The following TRIM44 variants were observed in gnomAD, a reference collection of about 807,000 sequenced individuals.
TRIM44 encodes the protein tripartite motif containing 44.
In TRIM44, 13 loss-of-function variants were observed where a neutral mutation model predicts 37.4. The observed-to-expected ratio is 0.35, with a 90% CI of 0.23 to 0.55. TRIM44 has a LOEUF of 0.55. Ranked by LOEUF, TRIM44 falls within the 20% of genes least tolerant of loss-of-function variation. The pLI, the probability that TRIM44 is intolerant of heterozygous loss-of-function variation, is 0.89. For missense variants in TRIM44, 426 were observed against 437.2 expected (o/e 0.97, Z 0.23); for synonymous variants, 175 against 157.2 (o/e 1.11, Z -0.85).
At chr11:35,759,091 G>A (rs181166127) in intron 4 of TRIM44, among the ~76,000 whole-genome samples, 30 of 152,330 alleles carry the variant, frequency 2.0e-4, no homozygotes, top group Admixed American at 1.8e-3. Context: ...ATCCTGCAGA[G>A]TGTTTTCCAA....
chr11:35,722,283 T>C (rs1438173981), intron 2 of TRIM44, among the ~76,000 whole-genome samples: 5 of 152,198 alleles, frequency 3.3e-5, no homozygotes, highest in African/African-American at 7.2e-5. Context: ...TGGAGTAGTC[T>C]CCTTAACACC....
chr11:35,709,307 C>T lies in TRIM44; in HGVS notation c.748-16617C>T, dbSNP rs938022678. ...ATAAGCCAGAAGGAACTCAGGTTTT[C>T]AGAAGTTATGTATCCCATTTTTACA... On this transcript the variant is annotated intron_variant, in intron 2 of 4. Coordinates refer to ENST00000299413, the MANE Select transcript of TRIM44 (RefSeq NM_017583.6). 9.2e-5 allele frequency among the ~76,000 whole-genome samples: 14 copies of T among 152,298 alleles called. No individual in the cohort carries two copies. In the East Asian group the frequency reaches 2.7e-3, roughly 29 times the overall value.
At chr11:35,769,161 G>C (rs1049007469) in intron 4 of TRIM44, among the ~76,000 whole-genome samples, 2 of 152,088 alleles carry the variant, frequency 1.3e-5, no homozygotes, top group African/African-American at 4.8e-5. Flanking sequence ...TACCTGTCAG[G>C]CTCAGTAAGC....
chr11:35,793,304 C>A (rs2133878931), intron 4 of TRIM44, among the ~76,000 whole-genome samples: 1 of 152,200 alleles, frequency 6.6e-6, no homozygotes, highest in South Asian at 2.1e-4. Context: ...GCAGCCGGAT[C>A]ACCTGAGGTC....
intron 4 of TRIM44, among the ~76,000 whole-genome samples, chr11:35,781,046 C>G (rs528532481): frequency 3.3e-5 from 5 of 152,176 alleles, no homozygotes; most frequent in African/African-American, 1.2e-4. Context: ...GCAAGTGAAA[C>G]AGTGATTTGG....
At chr11:35,727,148 A>T (rs1428144763) in intron 3 of TRIM44, among the ~76,000 whole-genome samples, 2 of 150,780 alleles carry the variant, frequency 1.3e-5, no homozygotes, top group Non-Finnish European at 3.0e-5. Flanking sequence ...ACAGAGTGAG[A>T]TCCTGTCTCA....
chr11:35,760,848 A>G (rs73438973), intron 4 of TRIM44, among the ~76,000 whole-genome samples: 7,155 of 152,242 alleles, frequency 0.047, 554 homozygotes, highest in African/African-American at 0.16. Flanking sequence ...TATTTTATCT[A>G]TAGTCACCAT....
rs542733474 is a variant in TRIM44, at chr11:35,778,467, CAA to C, written c.1008-27889_1008-27888del. Among the ~76,000 whole-genome samples the C allele has an allele frequency of 1.8e-3, 280 of 152,308 alleles. 2 individuals carry two copies. Among genetic ancestry groups the C allele is most frequent in the African/African-American group, 6.5e-3 (269 of 41,570 alleles). On this transcript the variant is annotated intron_variant, in intron 4 of 4. Transcript: ENST00000299413. ...CTGAAGCCTTCTTCTCTCAAGTCGT[CAA>C]AGTCATTCTCCATCCAGCTTTGTTC...
intron 1 of TRIM44, among the ~76,000 whole-genome samples, chr11:35,680,401 T>A (rs998743898): frequency 3.9e-5 from 6 of 152,202 alleles, no homozygotes; most frequent in Non-Finnish European, 7.3e-5. Context: ...TAGAAAGTAA[T>A]AATTTTTTAA....
intron 1 of TRIM44, among the ~76,000 whole-genome samples, chr11:35,676,745 T>C (rs1336687073): frequency 2.6e-5 from 4 of 152,202 alleles, no homozygotes; most frequent in Non-Finnish European, 5.9e-5. Flanking sequence ...CCTCTGTGAA[T>C]TTTGAGTGTG....
intron 4 of TRIM44, among the ~76,000 whole-genome samples, chr11:35,767,446 T>C (rs1852812474): frequency 6.6e-6 from 1 of 152,150 alleles, no homozygotes; most frequent in Non-Finnish European, 1.5e-5. Context: ...GTACTACTAC[T>C]CTGTTCCAGG....
At chr11:35,755,407 C>T (rs1249269813) in intron 4 of TRIM44, among the ~76,000 whole-genome samples, 1 of 152,046 alleles carries the variant, frequency 6.6e-6, no homozygotes, top group Non-Finnish European at 1.5e-5. Flanking sequence ...GATATTAGCC[C>T]TTTGTCAGAT....
At position 35,699,128 on chromosome 11, in the gene TRIM44, T is replaced by C. The variant is rs1200753710; in HGVS notation, c.747+13792T>C. 1.4e-5 allele frequency among the ~76,000 whole-genome samples: 2 copies of C among 147,790 alleles called. 1 individual carries two copies. Among genetic ancestry groups the C allele is most frequent in the Non-Finnish European group, 3.0e-5 (2 of 66,278 alleles). On this transcript the variant is annotated intron_variant, in intron 2 of 4. Transcript: ENST00000299413. Reference sequence around the variant, plus strand: ...GGCATTATTTCTGAGGGTTCTGTTCTGTTCCATTGGTCTGTATATCTGTTT... The same window carrying C: ...GGCATTATTTCTGAGGGTTCTGTTCCGTTCCATTGGTCTGTATATCTGTTT...
chr11:35,745,336 G>A (rs1326546743), intron 4 of TRIM44, among the ~76,000 whole-genome samples: 1 of 152,132 alleles, frequency 6.6e-6, no homozygotes, highest in African/African-American at 2.4e-5. Flanking sequence ...TTGGAGAAGG[G>A]CGTATTCATG....
chr11:35,729,325 CTA>C (rs1564982569), intron 3 of TRIM44, among the ~76,000 whole-genome samples: 1 of 152,186 alleles, frequency 6.6e-6, no homozygotes, highest in Non-Finnish European at 1.5e-5. Context: ...GTATCTTTCT[CTA>C]TGGAGCCTGT....
intron 2 of TRIM44, among the ~76,000 whole-genome samples, chr11:35,724,827 G>T (rs1190337735): frequency 6.6e-6 from 1 of 152,142 alleles, no homozygotes; most frequent in Non-Finnish European, 1.5e-5. Context: ...TTCATATGTT[G>T]TTGTAGGAAT....
chr11:35,761,487 GATA>G (rs1268438210), intron 4 of TRIM44, among the ~76,000 whole-genome samples: 2 of 152,060 alleles, frequency 1.3e-5, no homozygotes, highest in African/African-American at 4.8e-5. Flanking sequence ...CCATTCCTTA[GATA>G]ATAATGATCA....
chr11:35,799,023 G>A (rs1853330938), intron 4 of TRIM44, among the ~76,000 whole-genome samples: 1 of 152,060 alleles, frequency 6.6e-6, no homozygotes, highest in Admixed American at 6.6e-5. Context: ...AAAAAAATAA[G>A]GCTGTAAATG....
intron 4 of TRIM44, among the ~76,000 whole-genome samples, chr11:35,745,679 CT>C (rs1217852146): frequency 6.6e-6 from 1 of 152,218 alleles, no homozygotes; most frequent in Non-Finnish European, 1.5e-5. Context: ...TCATGAGTGG[CT>C]GGAGCAGCTC....
Sources: allele counts gnomAD v4.1 joint callset (sites outside exome capture counted in the v4.1 genomes callset), GRCh38; gene constraint gnomAD v4.1.1; transcripts MANE v1.5; gene names NCBI Gene and HGNC (gene_info 2026-07-23, HGNC 2026-07-21).